Variants in MARCHF1 observed in about 807,000 individuals in gnomAD.
The protein encoded by MARCHF1 is E3 ubiquitin-protein ligase MARCHF1.
In MARCHF1, 40 loss-of-function variants were observed where a neutral mutation model predicts 54.2. The ratio of observed to expected loss-of-function variants is 0.74; its 90% CI spans 0.57 to 0.96. The LOEUF is 0.96. Ranked by LOEUF, MARCHF1 falls within the 40% of genes least tolerant of loss-of-function variation. The pLI is 0.00. For missense variants in MARCHF1, 586 were observed against 656.5 expected (o/e 0.89, Z 1.17); for synonymous variants, 236 against 236.3 (o/e 1.00, Z 0.01).
At position 163,847,818 on chromosome 4, in the gene MARCHF1, C is replaced by T. The variant is rs555117147; in HGVS notation, c.111+6203G>A. On this transcript the variant is annotated intron_variant, in intron 4 of 9. Coordinates refer to ENST00000514618, the MANE Select transcript of MARCHF1 (RefSeq NM_001394959.1). ...CTAGTCTCGAACTCCAGGCGTCAAGCGATCCTCCTGCCTCAGCCTCCCAAA... is the reference window on the plus strand; with the variant it reads ...CTAGTCTCGAACTCCAGGCGTCAAGTGATCCTCCTGCCTCAGCCTCCCAAA... Among the ~76,000 whole-genome samples, 6 of 152,130 alleles carry T rather than the reference C, an allele frequency of 3.9e-5. No homozygotes were observed. In the East Asian group the frequency reaches 7.8e-4, roughly 20 times the overall value.
intron 2 of MARCHF1, among the ~76,000 whole-genome samples, chr4:164,025,581 G>C (rs1357823743): frequency 1.3e-5 from 2 of 151,716 alleles, no homozygotes; most frequent in Non-Finnish European, 1.5e-5. Context: ...CGCAGATTAA[G>C]CATGTTAAAA....
chr4:163,564,695 G>T (rs982513234), intron 8 of MARCHF1, among the ~76,000 whole-genome samples: 11 of 152,176 alleles, frequency 7.2e-5, no homozygotes, highest in South Asian at 2.1e-4. Flanking sequence ...CAGGTGCATT[G>T]CCAGGATTAG....
chr4:164,034,116 T>TAGACAGATAGATAGAG (rs1753944578), intron 2 of MARCHF1, among the ~76,000 whole-genome samples: 1 of 107,218 alleles, frequency 9.3e-6, no homozygotes, highest in Non-Finnish European at 2.2e-5. Flanking sequence ...GATAGATAGA[T>TAGACAGATAGATAGAG]AGAGATATAT....
chr4:164,300,226 C>T (rs542564367), intron 1 of MARCHF1, among the ~76,000 whole-genome samples: 1 of 152,200 alleles, frequency 6.6e-6, no homozygotes, highest in Non-Finnish European at 1.5e-5. Flanking sequence ...CCACTCTTAG[C>T]TCTCTGCCAC....
At chr4:163,963,078 G>A (rs1243113072) in intron 3 of MARCHF1, among the ~76,000 whole-genome samples, 1 of 151,808 alleles carries the variant, frequency 6.6e-6, no homozygotes, top group African/African-American at 2.4e-5. Context: ...TGCTCTTAAG[G>A]AATAATGGTT....
chr4:163,859,110 C>A (rs574073908), intron 3 of MARCHF1, among the ~76,000 whole-genome samples: 2 of 152,118 alleles, frequency 1.3e-5, no homozygotes, highest in Non-Finnish European at 2.9e-5. Flanking sequence ...TCTGAATAAT[C>A]ATGACTTGTA....
chr4:163,643,734 C>G (rs987101389), intron 5 of MARCHF1, among the ~76,000 whole-genome samples: 5 of 151,988 alleles, frequency 3.3e-5, no homozygotes, highest in Admixed American at 1.3e-4. Flanking sequence ...GCAATGACTT[C>G]AATTATTTAC....
chr4:163,694,212 C>A (rs970263850), intron 5 of MARCHF1, among the ~76,000 whole-genome samples: 1 of 151,340 alleles, frequency 6.6e-6, no homozygotes, highest in Non-Finnish European at 1.5e-5. Flanking sequence ...AAAGGATGGA[C>A]GACAGCAGGT....
At chr4:164,241,522 G>C (rs1399669048) in intron 1 of MARCHF1, among the ~76,000 whole-genome samples, 1 of 152,080 alleles carries the variant, frequency 6.6e-6, no homozygotes, top group Non-Finnish European at 1.5e-5. Context: ...TTTGTCAAGA[G>C]GCCTAAAATC....
intron 7 of MARCHF1, among the ~76,000 whole-genome samples, chr4:163,598,730 T>C (rs1328698344): frequency 1.3e-5 from 2 of 152,154 alleles, no homozygotes; most frequent in Non-Finnish European, 2.9e-5. Context: ...GATGGGTGAG[T>C]AAACGTGAAG....
chr4:164,161,525 AATCATC>A (rs71600682), intron 1 of MARCHF1, among the ~76,000 whole-genome samples: 3 of 149,538 alleles, frequency 2.0e-5, no homozygotes, highest in Non-Finnish European at 4.5e-5. Flanking sequence ...GTGATATCAA[AATCATC>A]ATCATCATCA....
At chr4:164,256,175 T>G (rs1411074158) in intron 1 of MARCHF1, among the ~76,000 whole-genome samples, 2 of 151,514 alleles carry the variant, frequency 1.3e-5, no homozygotes, top group Non-Finnish European at 2.9e-5. Flanking sequence ...ATCATAAAAG[T>G]CACTAATCAC....
chr4:163,614,335 C>T (rs1433524443), intron 5 of MARCHF1, among the ~76,000 whole-genome samples: 1 of 152,022 alleles, frequency 6.6e-6, no homozygotes, highest in African/African-American at 2.4e-5. Context: ...ACTATAATTA[C>T]ATACATGTTA....
At chr4:163,665,083 A>G (rs1429687446) in intron 5 of MARCHF1, among the ~76,000 whole-genome samples, 1 of 152,068 alleles carries the variant, frequency 6.6e-6, no homozygotes, top group Non-Finnish European at 1.5e-5. Flanking sequence ...CGCTGGGTCT[A>G]TCTTAATGTT....
Position 164,123,650 on chromosome 4 carries a change from C to T in MARCHF1, c.-322-11988G>A, listed in dbSNP as rs190675438. On this transcript the variant is annotated intron_variant, in intron 1 of 9. Coordinates refer to ENST00000514618, the MANE Select transcript of MARCHF1 (RefSeq NM_001394959.1). ...GAGTATGCAGAAACAAATCTACACA[C>T]CACAGTGAACTCATTTTTGACAAAG... Among the ~76,000 whole-genome samples, 13 of 152,096 alleles carry T rather than the reference C, an allele frequency of 8.5e-5. 1 individual carries two copies. In the East Asian group the frequency reaches 2.5e-3, roughly 29 times the overall value.
At chr4:164,094,889 CTAATT>C (rs1223925542) in intron 2 of MARCHF1, among the ~76,000 whole-genome samples, 1 of 152,028 alleles carries the variant, frequency 6.6e-6, no homozygotes, top group Non-Finnish European at 1.5e-5. Flanking sequence ...GAGAAACACT[CTAATT>C]TAAATAGAAA....
Position 163,810,226 on chromosome 4 carries a change from G to A in MARCHF1, c.111+43795C>T, listed in dbSNP as rs148629929. 4.1e-3 allele frequency among the ~76,000 whole-genome samples: 626 copies of A among 152,260 alleles called. 4 individuals are homozygous for A. The highest frequency in any genetic ancestry group is 7.0e-3 in the Non-Finnish European group (479 of 67,996). Reference sequence around the variant, plus strand: ...GGAAAGTTCAATGTATAAATCCATGGATGCCTACACTCTGGTCTGATTTAA... The same window carrying A: ...GGAAAGTTCAATGTATAAATCCATGAATGCCTACACTCTGGTCTGATTTAA... On this transcript the variant is annotated intron_variant, in intron 4 of 9. Coordinates refer to ENST00000514618, the MANE Select transcript of MARCHF1 (RefSeq NM_001394959.1).
intron 1 of MARCHF1, among the ~76,000 whole-genome samples, chr4:164,341,362 T>C (rs761351591): frequency 4.0e-5 from 6 of 151,416 alleles, no homozygotes; most frequent in Non-Finnish European, 8.8e-5. Flanking sequence ...GAATGTCCCC[T>C]CTACCACTTC....
intron 9 of MARCHF1, among the ~76,000 whole-genome samples, chr4:163,540,795 G>A (rs1738697358): frequency 6.6e-6 from 1 of 152,216 alleles, no homozygotes; most frequent in Non-Finnish European, 1.5e-5. Context: ...GCTGAGGCGA[G>A]CAGATCGCTT....
Sources: gnomAD v4.1 joint callset for allele counts (sites outside exome capture counted in the v4.1 genomes callset) on GRCh38, gnomAD v4.1.1 for gene constraint, MANE v1.5 for transcripts, NCBI Gene and HGNC (gene_info 2026-07-23, HGNC 2026-07-21) for gene names.